The following CREB5 variants were observed in gnomAD, a reference collection of about 807,000 sequenced individuals.
CREB5 encodes the protein cAMP responsive element binding protein 5, also known as cyclic AMP-responsive element-binding protein 5.
In CREB5, 19 loss-of-function variants were observed where a neutral mutation model predicts 57.1. The ratio of observed to expected loss-of-function variants is 0.33; its 90% CI spans 0.23 to 0.49. The LOEUF (loss-of-function observed/expected upper bound fraction) is 0.49, where lower values mean the gene tolerates loss of function less well. Ranked by LOEUF, CREB5 falls within the 20% of genes least tolerant of loss-of-function variation. The pLI is 0.99. For missense variants in CREB5, 579 were observed against 671.6 expected (o/e 0.86, Z 1.52); for synonymous variants, 238 against 238.3 (o/e 1.00, Z 0.01).
chr7:28,598,719 G>C (rs1288776338), intron 5 of CREB5, among the ~76,000 whole-genome samples: 1 of 152,032 alleles, frequency 6.6e-6, no homozygotes, highest in Non-Finnish European at 1.5e-5. Context: ...CTGTTGAGTT[G>C]GCCTGGCTCA....
chr7:28,539,692 A>C (rs1419858532), intron 4 of CREB5, among the ~76,000 whole-genome samples: 1 of 152,226 alleles, frequency 6.6e-6, no homozygotes, highest in Non-Finnish European at 1.5e-5. Flanking sequence ...TCAGTAGGTT[A>C]GCCTAACCTC....
intron 1 of CREB5, among the ~76,000 whole-genome samples, chr7:28,424,821 G>GA (rs1788432201): frequency 6.6e-6 from 1 of 152,180 alleles, no homozygotes; most frequent in Non-Finnish European, 1.5e-5. Context: ...ATGTTTCAGT[G>GA]TGGGAAGGAA....
At chr7:28,428,864 A>G (rs1788609544) in intron 1 of CREB5, among the ~76,000 whole-genome samples, 1 of 152,142 alleles carries the variant, frequency 6.6e-6, no homozygotes, top group Non-Finnish European at 1.5e-5. Context: ...AGGTCCTCAC[A>G]GGGACCACAG....
chr7:28,588,938 C>T (rs1562815039), intron 5 of CREB5, among the ~76,000 whole-genome samples: 1 of 152,166 alleles, frequency 6.6e-6, no homozygotes, highest in Non-Finnish European at 1.5e-5. Flanking sequence ...GCTTTCTTCC[C>T]AGCAACGTAG....
intron 5 of CREB5, among the ~76,000 whole-genome samples, chr7:28,584,955 A>C (rs910769914): frequency 1.3e-5 from 2 of 152,156 alleles, no homozygotes; most frequent in African/African-American, 4.8e-5. Context: ...TTTGTTCTCC[A>C]TTTGTACAGA....
At chr7:28,302,722 C>G (rs1785117964) in intron 1 of CREB5, among the ~76,000 whole-genome samples, 1 of 152,120 alleles carries the variant, frequency 6.6e-6, no homozygotes, top group African/African-American at 2.4e-5. Flanking sequence ...AGAGCCAGCC[C>G]TCTCTCCAGC....
At chr7:28,583,835 C>G (rs1331139993) in intron 5 of CREB5, among the ~76,000 whole-genome samples, 1 of 152,050 alleles carries the variant, frequency 6.6e-6, no homozygotes, top group Non-Finnish European at 1.5e-5. Flanking sequence ...TGATCCCCCA[C>G]GCCCGGCTAA....
At chr7:28,795,411 G>A (rs1194520828) in intron 7 of CREB5, among the ~76,000 whole-genome samples, 1 of 152,150 alleles carries the variant, frequency 6.6e-6, no homozygotes, top group Non-Finnish European at 1.5e-5. Flanking sequence ...TGTGACTTCT[G>A]CATTTTCTCT....
At chr7:28,810,253 A>G (rs1193295570) in intron 9 of CREB5, among the ~76,000 whole-genome samples, 1 of 152,088 alleles carries the variant, frequency 6.6e-6, no homozygotes, top group East Asian at 1.9e-4. Context: ...AAGTAAATAG[A>G]CATGTATGCA....
chr7:28,507,536 G>A lies in CREB5; in HGVS notation c.170-80G>A, dbSNP rs534618147. 8.0e-6 allele frequency: 12 copies of A among 1,501,128 alleles called. No individual in the cohort carries two copies. In the South Asian group the frequency reaches 1.6e-4, roughly 20 times the overall value. The allele number at this position is 1,501,128 out of a possible 1,614,324, so 93.0% of individuals were successfully genotyped here. A position where few individuals can be genotyped will look rare whatever the true frequency, so the allele number is the denominator to read the frequency against. On this transcript the variant is annotated intron_variant, in intron 3 of 10. Transcript: ENST00000357727. The stretch of plus-strand genomic sequence containing the variant: ...CATTTTAATTAAGGCAAGGGGAGGG[G>A]ATTAGTGAATCTAGCTCATGCTTGC...
intron 1 of CREB5, among the ~76,000 whole-genome samples, chr7:28,419,789 T>TA (rs1325910225): frequency 6.6e-6 from 1 of 152,136 alleles, no homozygotes; most frequent in Non-Finnish European, 1.5e-5. Context: ...ATTGTGAGAT[T>TA]AAAAAAATTG....
chr7:28,435,244 G>A (rs1788905324), intron 1 of CREB5, among the ~76,000 whole-genome samples: 1 of 152,012 alleles, frequency 6.6e-6, no homozygotes, highest in African/African-American at 2.4e-5. Context: ...CTCAAATGAA[G>A]GGAACTCCCT....
chr7:28,677,956 T>A (rs1031625276), intron 5 of CREB5, among the ~76,000 whole-genome samples: 1 of 152,202 alleles, frequency 6.6e-6, no homozygotes, highest in African/African-American at 2.4e-5. Context: ...AGACAGTGCA[T>A]GAATCTCACT....
At chr7:28,424,139 C>T (rs174021) in intron 1 of CREB5, among the ~76,000 whole-genome samples, 142,826 of 152,246 alleles carry the variant, frequency 0.94, 67,060 homozygotes, top group East Asian at 0.98. Context: ...TTCCTCTTTT[C>T]ATAAGGATGT....
intron 1 of CREB5, among the ~76,000 whole-genome samples, chr7:28,445,665 C>A (rs1041314567): frequency 6.6e-6 from 1 of 152,104 alleles, no homozygotes. Context: ...CATTCTCCTG[C>A]CTCAGCCTCC....
chr7:28,374,397 C>T (rs1464311340), intron 1 of CREB5, among the ~76,000 whole-genome samples: 2 of 152,076 alleles, frequency 1.3e-5, no homozygotes, highest in South Asian at 2.1e-4. Context: ...AAATGTTCAC[C>T]GTGGTATAAT....
chr7:28,317,172 C>A (rs182356757), intron 1 of CREB5, among the ~76,000 whole-genome samples: 5 of 152,106 alleles, frequency 3.3e-5, no homozygotes, highest in African/African-American at 1.2e-4. Flanking sequence ...GGTTCAGTTT[C>A]AGTTTCTCCC....
intron 5 of CREB5, among the ~76,000 whole-genome samples, chr7:28,574,875 T>C (rs1242389208): frequency 2.0e-5 from 3 of 152,220 alleles, no homozygotes; most frequent in Non-Finnish European, 4.4e-5. Flanking sequence ...TCCTGGAACA[T>C]ATATTTCCAC....
At chr7:28,649,517 A>G (rs886136012) in intron 5 of CREB5, among the ~76,000 whole-genome samples, 5 of 152,196 alleles carry the variant, frequency 3.3e-5, no homozygotes, top group African/African-American at 1.2e-4. Flanking sequence ...GCACTTTACA[A>G]AAAAGGTGTG....
Sources: gnomAD v4.1 joint callset for allele counts (sites outside exome capture counted in the v4.1 genomes callset) on GRCh38, gnomAD v4.1.1 for gene constraint, MANE v1.5 for transcripts, NCBI Gene and HGNC (gene_info 2026-07-23, HGNC 2026-07-21) for gene names.